The following KCNG2 variants were observed in gnomAD, a reference collection of about 807,000 sequenced individuals.
The protein encoded by KCNG2 is potassium voltage-gated channel modifier subfamily G member 2.
A neutral mutation model predicts 12.3 loss-of-function variants in KCNG2; 7 were observed. That is an observed-to-expected ratio of 0.57 (90% confidence interval 0.32 to 1.07). The LOEUF (loss-of-function observed/expected upper bound fraction) is 1.07. Ranked by LOEUF, KCNG2 falls within the 50% of genes least tolerant of loss-of-function variation. KCNG2 has a pLI of 0.04. For synonymous variants in KCNG2, 414 were observed against 351.4 expected, an observed-to-expected ratio of 1.18 and a Z score of -1.99; for missense variants, 703 against 726.0, an observed-to-expected ratio of 0.97 and a Z score of 0.36.
intron 3 of KCNG2, among the ~76,000 whole-genome samples, chr18:79,891,801 G>A (rs905010700): frequency 6.6e-6 from 1 of 152,048 alleles, no homozygotes; most frequent in African/African-American, 2.4e-5. Context: ...GTCCTGTTCT[G>A]GAGTCTGTTC....
rs1412964287 is a variant in KCNG2, at chr18:79,808,139, G to A, written c.-115+10125G>A. ...AGAGTCCGCGCTCTGAGGAGCTGCC[G>A]GGGACACACTGACCACACTCCACGT... On this transcript the variant is annotated intron_variant, in intron 1 of 3. Coordinates refer to ENST00000316249, the MANE Select transcript of KCNG2 (RefSeq NM_012283.2). Among the ~76,000 whole-genome samples the A allele has an allele frequency of 1.0e-4, 12 of 116,058 alleles. No individual in the cohort carries two copies. In the East Asian group the frequency reaches 1.2e-3, roughly 11 times the overall value. 76.1% of individuals were successfully genotyped at this position (116,058 alleles called of 152,430 possible).
Position 79,899,202 on chromosome 18 carries a change from T to A in KCNG2, c.787T>A (p.Tyr263Asn). 6.2e-7 allele frequency: 1 copy of A among 1,603,604 alleles called. No homozygotes were observed. Residue 263 changes from tyrosine to asparagine, a missense_variant, in exon 4 of 4, where the codon TAC (tyrosine) becomes AAC (asparagine). Physicochemically the swap from Tyr to Asn is moderately radical, Grantham distance 143. Coordinates refer to ENST00000316249, the MANE Select transcript of KCNG2 (RefSeq NM_012283.2). ...IIDILALLPF[Y>N]VSLLLGLAAG... Reference sequence around the variant, plus strand: ...TGACATCCTGGCGCTCCTGCCGTTCTACGTGTCGCTGCTGCTGGGGCTGGC... The same window carrying A: ...TGACATCCTGGCGCTCCTGCCGTTCAACGTGTCGCTGCTGCTGGGGCTGGC...
intron 1 of KCNG2, among the ~76,000 whole-genome samples, chr18:79,820,542 G>A (rs2087562990): frequency 6.6e-6 from 1 of 152,194 alleles, no homozygotes; most frequent in Admixed American, 6.5e-5. Context: ...GATGAGTGAT[G>A]CTGAGCATCT....
Position 79,899,705 on chromosome 18 carries a change from G to C in KCNG2, c.1290G>C (p.Gln430His). The C allele has an allele frequency of 6.2e-7, 1 of 1,606,878 alleles. No individual in the cohort carries two copies. Among genetic ancestry groups the C allele is most frequent in the East Asian group, 2.2e-5 (1 of 44,560 alleles). The change falls in exon 4 of 4, where the codon CAG becomes CAC. Residue 430 changes from glutamine (Q) to histidine (H), a missense_variant. Gln to His is a conservative substitution (Grantham distance 24, BLOSUM62 0). Transcript: ENST00000316249. Reference protein sequence around the residue: ...QRAASPEPALQEDSTHSATAT... With the variant: ...QRAASPEPALHEDSTHSATAT... ...CGGCCAGCCCCGAGCCGGCCCTGCA[G>C]GAGGACAGCACGCACTCGGCCACAG...
At position 79,899,271 on chromosome 18, in the gene KCNG2, G is replaced by GTGCTGCGGCTGC. The variant is rs951045544; in HGVS notation, c.860_871dup (p.Leu287_Leu290dup). On this transcript the variant is annotated inframe_insertion, in exon 4 of 4. Coordinates refer to ENST00000316249, the MANE Select transcript of KCNG2 (RefSeq NM_012283.2). ...CAAGCTCCTGGAGCGCGCGGGGCTG[G>GTGCTGCGGCTGC]TGCTGCGGCTGCTGCGTGCGCTGCG... 4.4e-6 allele frequency: 7 copies of GTGCTGCGGCTGC among 1,582,382 alleles called. No individual in the cohort carries two copies. Among genetic ancestry groups the GTGCTGCGGCTGC allele is most frequent in the Non-Finnish European group, 6.0e-6 (7 of 1,171,930 alleles).
intron 3 of KCNG2, among the ~76,000 whole-genome samples, chr18:79,875,217 G>A (rs541769101): frequency 1.3e-5 from 2 of 152,196 alleles, no homozygotes; most frequent in Admixed American, 6.5e-5. Context: ...TTGTCTGATG[G>A]GGTCCTAAGA....
intron 1 of KCNG2, among the ~76,000 whole-genome samples, chr18:79,849,338 A>C (rs1978734492): frequency 6.6e-6 from 1 of 152,078 alleles, no homozygotes; most frequent in African/African-American, 2.4e-5. Flanking sequence ...AATCACACAC[A>C]ACCCGCCCTC....
At chr18:79,826,017 C>T (rs1978285417) in intron 1 of KCNG2, among the ~76,000 whole-genome samples, 1 of 152,190 alleles carries the variant, frequency 6.6e-6, no homozygotes, top group East Asian at 1.9e-4. Context: ...GAGACGTGGG[C>T]CTGGGTGGAG....
intron 3 of KCNG2, among the ~76,000 whole-genome samples, chr18:79,874,068 A>G (rs895218140): frequency 6.6e-6 from 1 of 152,244 alleles, no homozygotes; most frequent in Non-Finnish European, 1.5e-5. Context: ...TCAAGAGGCC[A>G]GGCAGGCGCT....
intron 3 of KCNG2, among the ~76,000 whole-genome samples, chr18:79,883,309 G>A (rs1432506014): frequency 1.3e-5 from 2 of 152,226 alleles, no homozygotes; most frequent in Admixed American, 1.3e-4. Context: ...GCTGTCCTGC[G>A]TCTTTGCGCT....
intron 1 of KCNG2, among the ~76,000 whole-genome samples, chr18:79,848,754 C>G (rs1159053811): frequency 2.0e-5 from 3 of 152,118 alleles, no homozygotes; most frequent in Non-Finnish European, 4.4e-5. Context: ...AAGAAGCATC[C>G]TGTCGCCATG....
chr18:79,848,167 A>T (rs60051506), intron 1 of KCNG2, among the ~76,000 whole-genome samples: 1 of 152,170 alleles, frequency 6.6e-6, no homozygotes. Context: ...ATGAACGCCA[A>T]CCTCATCTGT....
At chr18:79,848,827 G>C (rs546707507) in intron 1 of KCNG2, among the ~76,000 whole-genome samples, 1 of 152,122 alleles carries the variant, frequency 6.6e-6, no homozygotes, top group Non-Finnish European at 1.5e-5. Context: ...CAGACTGCCC[G>C]GCTGGAAGAG....
At chr18:79,823,889 T>G (rs2087591505) in intron 1 of KCNG2, among the ~76,000 whole-genome samples, 1 of 152,252 alleles carries the variant, frequency 6.6e-6, no homozygotes, top group African/African-American at 2.4e-5. Flanking sequence ...CGCTTTCCAT[T>G]TGTTCATGTT....
chr18:79,883,988 C>T (rs1980419301), intron 3 of KCNG2, among the ~76,000 whole-genome samples: 1 of 152,064 alleles, frequency 6.6e-6, no homozygotes, highest in Admixed American at 6.5e-5. Context: ...GGGTGGGGAC[C>T]GTCCCCCGCC....
Position 79,900,019 on chromosome 18 carries a change from C to A in KCNG2, c.*203C>A. The A allele has an allele frequency of 5.2e-6, 2 of 384,146 alleles. No homozygotes were observed. The highest frequency in any genetic ancestry group is 9.1e-6 in the Non-Finnish European group (2 of 220,146). 23.8% of individuals were successfully genotyped at this position (384,146 alleles called of 1,614,324 possible). A position where few individuals can be genotyped will look rare whatever the true frequency, so the allele number is the denominator to read the frequency against. The stretch of plus-strand genomic sequence containing the variant: ...GGCAGCGCTGGGCAAAGTCACTGGC[C>A]TTTGTCCTCCTGCCCCACCCCTTTC... On this transcript the variant is annotated 3_prime_UTR_variant, in exon 4 of 4. Coordinates refer to ENST00000316249, the MANE Select transcript of KCNG2 (RefSeq NM_012283.2).
chr18:79,871,100 G>T (rs1979810478), intron 3 of KCNG2, among the ~76,000 whole-genome samples: 1 of 152,190 alleles, frequency 6.6e-6, no homozygotes, highest in African/African-American at 2.4e-5. Flanking sequence ...GTCCTAGCCT[G>T]TGGCCAGGCA....
intron 1 of KCNG2, among the ~76,000 whole-genome samples, chr18:79,853,529 AG>A: frequency 6.6e-6 from 1 of 152,156 alleles, no homozygotes; most frequent in Non-Finnish European, 1.5e-5. Flanking sequence ...TTTTGAGCAG[AG>A]GGTGGTGTGC....
At chr18:79,833,016 A>G (rs968286725) in intron 1 of KCNG2, among the ~76,000 whole-genome samples, 1 of 149,244 alleles carries the variant, frequency 6.7e-6, no homozygotes, top group Non-Finnish European at 1.5e-5. Flanking sequence ...AAAATTGGCA[A>G]TGAAGGATAT....
Sources: gnomAD v4.1 joint callset for allele counts (sites outside exome capture counted in the v4.1 genomes callset) on GRCh38, gnomAD v4.1.1 for gene constraint, MANE v1.5 for transcripts, NCBI Gene and HGNC (gene_info 2026-07-23, HGNC 2026-07-21) for gene names.